NKAIN2: variants seen among roughly 807,000 people sequenced by gnomAD.
NKAIN2 encodes the protein sodium/potassium-transporting ATPase subunit beta-1-interacting protein 2.
Under a neutral mutation model 32.6 loss-of-function variants are expected in NKAIN2, and 14 were observed. The ratio of observed to expected loss-of-function variants is 0.43; its 90% confidence interval spans 0.28 to 0.67. The LOEUF is 0.67. Ranked by LOEUF, NKAIN2 falls within the 30% of genes least tolerant of loss-of-function variation. The pLI is 0.17. For synonymous variants in NKAIN2, 80 were observed against 87.2 expected, an observed-to-expected ratio of 0.92 and a Z score of 0.46; for missense variants, 198 against 258.3, an observed-to-expected ratio of 0.77 and a Z score of 1.60.
At chr6:123,844,581 T>C (rs1237853380) in intron 1 of NKAIN2, among the ~76,000 whole-genome samples, 2 of 152,140 alleles carry the variant, frequency 1.3e-5, no homozygotes, top group Non-Finnish European at 2.9e-5. Flanking sequence ...CCATCTAAAC[T>C]TCAGTTCACA....
intron 4 of NKAIN2, among the ~76,000 whole-genome samples, chr6:124,694,681 C>A (rs993127638): frequency 6.6e-6 from 1 of 152,176 alleles, no homozygotes; most frequent in African/African-American, 2.4e-5. Flanking sequence ...CCAGAGTGAC[C>A]TGCACACATT....
chr6:124,307,196 T>G (rs1022891309), intron 2 of NKAIN2, among the ~76,000 whole-genome samples: 2 of 152,278 alleles, frequency 1.3e-5, no homozygotes, highest in African/African-American at 4.8e-5. Flanking sequence ...TGGGATAGGC[T>G]AAAGGGCAAA....
intron 1 of NKAIN2, among the ~76,000 whole-genome samples, chr6:123,947,012 T>C (rs1009173628): frequency 6.6e-6 from 1 of 152,196 alleles, no homozygotes; most frequent in African/African-American, 2.4e-5. Flanking sequence ...GGAGTCTTTA[T>C]TGAGCTCTTG....
chr6:124,648,084 C>A (rs1263199247), intron 3 of NKAIN2, among the ~76,000 whole-genome samples: 2 of 152,148 alleles, frequency 1.3e-5, no homozygotes, highest in African/African-American at 4.8e-5. Context: ...TACTCAAGAC[C>A]ATTGCAATGG....
chr6:123,906,387 C>A (rs866810176), intron 1 of NKAIN2, among the ~76,000 whole-genome samples: 1 of 150,118 alleles, frequency 6.7e-6, no homozygotes, highest in Non-Finnish European at 1.5e-5. Flanking sequence ...ACTTCCTGGG[C>A]TCAGATAATT....
intron 1 of NKAIN2, among the ~76,000 whole-genome samples, chr6:124,170,395 A>AT (rs932131275): frequency 7.2e-5 from 11 of 152,106 alleles, no homozygotes; most frequent in African/African-American, 2.4e-4. Flanking sequence ...TTCCATAGAT[A>AT]TTTTTTTCTA....
intron 3 of NKAIN2, among the ~76,000 whole-genome samples, chr6:124,466,220 G>A (rs114017938): frequency 0.026 from 3,913 of 152,098 alleles, 153 homozygotes; most frequent in African/African-American, 0.084. Context: ...TATAAAAGAG[G>A]ATCACTTATA....
At chr6:123,997,128 C>G (rs565373417) in intron 1 of NKAIN2, among the ~76,000 whole-genome samples, 20 of 152,044 alleles carry the variant, frequency 1.3e-4, no homozygotes, top group African/African-American at 4.8e-4. Flanking sequence ...TCTAGTACAA[C>G]GTGTGATCAG....
intron 1 of NKAIN2, among the ~76,000 whole-genome samples, chr6:124,196,130 T>G (rs898275080): frequency 5.9e-5 from 9 of 152,152 alleles, no homozygotes; most frequent in African/African-American, 2.2e-4. Context: ...CCAGTCTTAA[T>G]ATTTTCATAT....
chr6:124,128,254 A>C (rs1055134946), intron 1 of NKAIN2, among the ~76,000 whole-genome samples: 1 of 152,226 alleles, frequency 6.6e-6, no homozygotes, highest in African/African-American at 2.4e-5. Flanking sequence ...TCATACCTGC[A>C]TTATGGTGCA....
At chr6:123,823,862 G>C (rs1395995984) in intron 1 of NKAIN2, among the ~76,000 whole-genome samples, 2 of 152,124 alleles carry the variant, frequency 1.3e-5, no homozygotes, top group Non-Finnish European at 2.9e-5. Context: ...GAAATTCAGG[G>C]AGTTTTTGAT....
At chr6:124,236,027 G>A (rs546805908) in intron 1 of NKAIN2, among the ~76,000 whole-genome samples, 1 of 152,076 alleles carries the variant, frequency 6.6e-6, no homozygotes, top group South Asian at 2.1e-4. Context: ...AATGTTTCTA[G>A]GGAAATTGCT....
chr6:124,523,234 C>T (rs1198661548), intron 3 of NKAIN2, among the ~76,000 whole-genome samples: 2 of 151,768 alleles, frequency 1.3e-5, no homozygotes, highest in African/African-American at 4.8e-5. Flanking sequence ...AGATAGCCAG[C>T]TTCTATACCA....
chr6:124,472,011 GACA>G (rs5879738), intron 3 of NKAIN2, among the ~76,000 whole-genome samples: 96,842 of 151,206 alleles, frequency 0.64, 33,516 homozygotes, highest in East Asian at 0.77. Flanking sequence ...ATGATCAGTA[GACA>G]ACAACAAGGA....
At chr6:124,784,293 G>T (rs1340073691) in intron 4 of NKAIN2, among the ~76,000 whole-genome samples, 2 of 152,036 alleles carry the variant, frequency 1.3e-5, no homozygotes, top group Non-Finnish European at 2.9e-5. Context: ...TCACTTTTCG[G>T]ATCTGGGTAT....
chr6:124,021,433 AT>A (rs1441894852), intron 1 of NKAIN2, among the ~76,000 whole-genome samples: 1 of 151,988 alleles, frequency 6.6e-6, no homozygotes, highest in Non-Finnish European at 1.5e-5. Context: ...TCTAGTAATA[AT>A]TATTACCTAT....
chr6:124,113,028 G>A (rs1785453363), intron 1 of NKAIN2, among the ~76,000 whole-genome samples: 1 of 151,876 alleles, frequency 6.6e-6, no homozygotes, highest in Non-Finnish European at 1.5e-5. Flanking sequence ...GTTGATTTCT[G>A]GAAGTTTATC....
intron 4 of NKAIN2, among the ~76,000 whole-genome samples, chr6:124,668,869 C>T (rs148124807): frequency 4.9e-4 from 74 of 152,218 alleles, no homozygotes; most frequent in African/African-American, 1.8e-3. Context: ...AAATAGATGA[C>T]AAAATGTGTT....
At chr6:124,608,998 T>C (rs1419055478) in intron 3 of NKAIN2, among the ~76,000 whole-genome samples, 1 of 152,186 alleles carries the variant, frequency 6.6e-6, no homozygotes, top group South Asian at 2.1e-4. Flanking sequence ...CTCTTATTTG[T>C]TGCGGTTTGT....
Sources: gnomAD v4.1 joint callset for allele counts (sites outside exome capture counted in the v4.1 genomes callset) on GRCh38, gnomAD v4.1.1 for gene constraint, MANE v1.5 for transcripts, NCBI Gene and HGNC (gene_info 2026-07-23, HGNC 2026-07-21) for gene names.